Variants in TTLL3 observed in about 807,000 individuals in gnomAD.
TTLL3 encodes tubulin tyrosine ligase like 3.
Under a neutral mutation model 75.2 loss-of-function variants are expected in TTLL3, and 63 were observed. That is an observed-to-expected ratio of 0.84 (90% CI 0.68 to 1.03). The LOEUF is 1.03. Ranked by LOEUF, TTLL3 falls within the 50% of genes least tolerant of loss-of-function variation. The probability of loss-of-function intolerance (pLI) is 0.00; values close to 1 mark genes in which losing one functional copy is unlikely to be tolerated. For missense variants in TTLL3, 997 were observed against 1,069.9 expected (o/e 0.93, Z 0.95); for synonymous variants, 393 against 418.5 (o/e 0.94, Z 0.74).
intron 11 of TTLL3, among the ~76,000 whole-genome samples, chr3:9,831,960 T>C (rs2081583058): frequency 6.6e-6 from 1 of 151,102 alleles, no homozygotes; most frequent in African/African-American, 2.4e-5. Flanking sequence ...CCGGCTAATT[T>C]TTGTGTTTTT....
chr3:9,823,883 G>C (rs1028264763), intron 8 of TTLL3, among the ~76,000 whole-genome samples: 1 of 152,246 alleles, frequency 6.6e-6, no homozygotes, highest in East Asian at 1.9e-4. Flanking sequence ...GGGGTATTTT[G>C]TGACTTGGTT....
upstream of TTLL3, chr3:9,810,003 G>C: frequency 7.7e-7 from 1 of 1,301,838 alleles, no homozygotes. The surrounding 1 kb of genome is among the most constrained non-coding windows in gnomAD (Gnocchi z 4.4). Context: ...GCGGCGAGGG[G>C]CGCATGCAGG....
upstream of TTLL3, chr3:9,809,791 C>T (rs962449524): frequency 1.8e-5 from 7 of 383,480 alleles, no homozygotes; most frequent in Non-Finnish European, 2.8e-5. Context: ...TAAGGAAGCC[C>T]TCGCTCGACT....
chr3:9,811,524 G>A (rs1162170792), intron 2 of TTLL3, among the ~76,000 whole-genome samples: 2 of 152,172 alleles, frequency 1.3e-5, no homozygotes, highest in Admixed American at 6.5e-5. Context: ...CTTCATTTTA[G>A]TAATTGTGAT....
intron 11 of TTLL3, among the ~76,000 whole-genome samples, chr3:9,829,931 C>T (rs1010187244): frequency 7.9e-5 from 12 of 152,212 alleles, no homozygotes; most frequent in African/African-American, 2.9e-4. Flanking sequence ...CAACCTCTAC[C>T]TCCTGGGTTC....
Position 9,810,481 on chromosome 3 carries a change from A to G in TTLL3, c.-42+87A>G. The G allele has an allele frequency of 6.9e-7, 1 of 1,446,052 alleles. No homozygotes were observed. The highest frequency in any genetic ancestry group is 9.1e-7 in the Non-Finnish European group (1 of 1,100,880). 89.6% of individuals were successfully genotyped at this position (1,446,052 alleles called of 1,614,324 possible). A position where few individuals can be genotyped will look rare whatever the true frequency, so the allele number is the denominator to read the frequency against. Reference sequence around the variant, plus strand: ...GGGTGGAGGGACTGGGGGTCGGGAGAAGAGCGGCTGAGGGTGGGCATCTGG... The same window carrying G: ...GGGTGGAGGGACTGGGGGTCGGGAGGAGAGCGGCTGAGGGTGGGCATCTGG... On this transcript the variant is annotated intron_variant, in intron 1 of 13. Transcript: ENST00000685419. This position sits in a 1 kb window ranked among gnomAD's most constrained non-coding sequence, Gnocchi z 4.4.
At position 9,817,604 on chromosome 3, in the gene TTLL3, T is replaced by G. The variant is rs755704606; in HGVS notation, c.445-41T>G. 1.9e-6 allele frequency: 3 copies of G among 1,613,202 alleles called. No homozygotes were observed. The Admixed American group carries it at 5.0e-5, about 27-fold the overall frequency. Reference sequence around the variant, plus strand: ...GAACTGTCTGGGTGTGTGGTGAGTGTGGGCAGTCCTGCCCTGCCCTCTCAG... The same window carrying G: ...GAACTGTCTGGGTGTGTGGTGAGTGGGGGCAGTCCTGCCCTGCCCTCTCAG... On this transcript the variant is annotated intron_variant, in intron 5 of 13. Coordinates refer to ENST00000685419, the MANE Select transcript of TTLL3 (RefSeq NM_001387446.1).
intron 11 of TTLL3, among the ~76,000 whole-genome samples, chr3:9,830,736 A>G (rs1014654984): frequency 2.0e-5 from 3 of 152,146 alleles, no homozygotes; most frequent in Admixed American, 1.3e-4. Context: ...CTCCACCCCC[A>G]GAGATTGACC....
intron 3 of TTLL3, 41 bp downstream of exon 3, chr3:9,813,152 T>A (rs771679434): frequency 1.2e-6 from 2 of 1,601,146 alleles, no homozygotes; most frequent in Non-Finnish European, 1.7e-6. Flanking sequence ...TGCTCCTGAG[T>A]CCTTTTCCTT....
At chr3:9,819,285 C>A in intron 7 of TTLL3, 1 of 253,146 alleles carries the variant, frequency 4.0e-6, no homozygotes, top group Non-Finnish European at 7.7e-6. Context: ...ACCTACCCAT[C>A]TATCTACCTG....
rs1264349184 is a variant in TTLL3 at position 9,818,874 on chromosome 3, T to C, written c.612T>C (p.Ser204=). 1.2e-6 allele frequency: 2 copies of C among 1,614,064 alleles called. No homozygotes were observed. The highest frequency in any genetic ancestry group is 2.7e-5 in the African/African-American group (2 of 74,920). The change falls in exon 7 of 14, where the codon TCT becomes TCC. Residue 204 remains serine (S), a synonymous_variant. Transcript: ENST00000685419. ...ARNVLKLVVK[S]EWKSYPIQAV... ...ACGTTCTCAAGCTGGTGGTGAAGTCTGAGTGGAAGTCATACCCTATTCAGG... is the reference window on the plus strand; with the variant it reads ...ACGTTCTCAAGCTGGTGGTGAAGTCCGAGTGGAAGTCATACCCTATTCAGG...
rs539134241 is a variant in TTLL3 at position 9,817,663 on chromosome 3, C to T, written c.463C>T (p.Leu155Phe). The change falls in exon 6 of 14, where the codon CTC (leucine) becomes TTC (phenylalanine). Residue 155 changes from leucine (L) to phenylalanine (F), a missense_variant. Leu to Phe is a conservative substitution (Grantham distance 22). Transcript: ENST00000685419. ...TCCGTAGGTGGGTCTATGTCTCAAT[C>T]TCCGGAATTTGCCGTGGTTTGATGA... Reference protein sequence around the residue: ...FTTKVGLCLNLRNLPWFDEVD... With the variant: ...FTTKVGLCLNFRNLPWFDEVD... 5.6e-6 allele frequency: 9 copies of T among 1,614,042 alleles called. No homozygotes were observed. Among genetic ancestry groups the T allele is most frequent in the Non-Finnish European group, 7.6e-6 (9 of 1,180,042 alleles).
chr3:9,834,423 C>T (rs908013438), intron 12 of TTLL3: 2 of 675,714 alleles, frequency 3.0e-6, no homozygotes, highest in Non-Finnish European at 5.4e-6. Context: ...TCCCCATTTT[C>T]CAGCCGAGGT....
At chr3:9,824,737 C>CT (rs71052207) in intron 8 of TTLL3, among the ~76,000 whole-genome samples, 4,270 of 80,660 alleles carry the variant, frequency 0.053, 178 homozygotes, top group Non-Finnish European at 0.08. Context: ...CTTTTCTTTT[C>CT]TTTTTTTTTT....
intron 5 of TTLL3, among the ~76,000 whole-genome samples, chr3:9,816,592 C>T (rs1192883928): frequency 7.6e-6 from 1 of 132,186 alleles, no homozygotes; most frequent in African/African-American, 2.8e-5. Flanking sequence ...TCTCAGCCCA[C>T]TGCAACCTCT....
At chr3:9,811,415 T>G (rs2079341606) in intron 2 of TTLL3, among the ~76,000 whole-genome samples, 1 of 152,256 alleles carries the variant, frequency 6.6e-6, no homozygotes, top group Non-Finnish European at 1.5e-5. Context: ...TTCTGTTTCT[T>G]CACCCACAGG....
intron 8 of TTLL3, chr3:9,825,299 C>T (rs1444713973): frequency 1.1e-5 from 2 of 183,182 alleles, no homozygotes; most frequent in Admixed American, 1.1e-4. Context: ...GATTTCACCA[C>T]TGCACTTCAG....
Position 9,817,773 on chromosome 3 carries a change from C to T in TTLL3, c.559+14C>T. 3 of 1,614,060 alleles carry T rather than the reference C, an allele frequency of 1.9e-6. No homozygotes were observed. Among genetic ancestry groups the T allele is most frequent in the Non-Finnish European group, 2.5e-6 (3 of 1,179,970 alleles). The stretch of plus-strand genomic sequence containing the variant: ...AAGCCTTCATAGGTAAGGAGACCCC[C>T]AGCCCTATGCCTGAACCTCAGGCTG... On this transcript the variant is annotated intron_variant, in intron 6 of 13. Transcript: ENST00000685419.
chr3:9,827,207 C>T lies in TTLL3; in HGVS notation c.1214C>T (p.Ser405Phe), dbSNP rs1434270013. ...TACCGCGACAGCTATATCCGCTTTT[C>T]CACGCAGCCCTTCTCCCTGAAGAAC... ...WFYRDSYIRF[S>F]TQPFSLKNLD... The change falls in exon 10 of 14, where the codon TCC becomes TTC. Residue 405 changes from serine to phenylalanine, a missense_variant. By Grantham distance (155) the Ser-to-Phe change is radical. Coordinates refer to ENST00000685419, the MANE Select transcript of TTLL3 (RefSeq NM_001387446.1). 12 of 1,614,238 alleles carry T rather than the reference C, an allele frequency of 7.4e-6. No homozygotes were observed. In the East Asian group the frequency reaches 1.3e-4, roughly 18 times the overall value.
Sources: gnomAD v4.1 joint callset for allele counts (sites outside exome capture counted in the v4.1 genomes callset) on GRCh38, gnomAD v4.1.1 for gene constraint, Gnocchi (gnomAD v3.1) non-coding constraint, MANE v1.5 for transcripts, NCBI Gene and HGNC (gene_info 2026-07-23, HGNC 2026-07-21) for gene names.